FNBP1L: variants seen among roughly 807,000 people sequenced by gnomAD.
FNBP1L encodes formin binding protein 1 like, also known as formin-binding protein 1-like.
Under a neutral mutation model 91.2 loss-of-function variants are expected in FNBP1L, and 36 were observed. The ratio of observed to expected loss-of-function variants is 0.39; its 90% CI spans 0.30 to 0.52. The LOEUF is 0.52. Ranked by LOEUF, FNBP1L falls within the 20% of genes least tolerant of loss-of-function variation. FNBP1L has a pLI of 0.66. For missense variants in FNBP1L, 571 were observed against 732.1 expected (o/e 0.78, Z 2.54); for synonymous variants, 242 against 237.0 (o/e 1.02, Z -0.19).
chr1:93,470,848 G>A (rs969346507), intron 1 of FNBP1L, among the ~76,000 whole-genome samples: 10 of 150,940 alleles, frequency 6.6e-5, no homozygotes, highest in African/African-American at 2.2e-4. Context: ...ACTGCAGCCT[G>A]GGTGACAGAG....
chr1:93,513,423 G>T (rs190351052), intron 2 of FNBP1L, among the ~76,000 whole-genome samples: 236 of 152,066 alleles, frequency 1.6e-3, no homozygotes, highest in African/African-American at 5.5e-3. Flanking sequence ...ATTTTATGAG[G>T]CCAGCATCAT....
At chr1:93,449,521 T>G (rs1466521479) in intron 1 of FNBP1L, among the ~76,000 whole-genome samples, 1 of 152,148 alleles carries the variant, frequency 6.6e-6, no homozygotes, top group Non-Finnish European at 1.5e-5. Flanking sequence ...GCAAAATGTT[T>G]TCTTATTTTT....
rs528720934 is a variant in FNBP1L, at chr1:93,493,034, C to T, written c.25-6434C>T. 4.6e-5 allele frequency among the ~76,000 whole-genome samples: 7 copies of T among 152,206 alleles called. No individual in the cohort carries two copies. The South Asian group carries it at 1.5e-3, about 32-fold the overall frequency. ...GAAATGGCACTTTGGGAGGCCAAGG[C>T]AGGAGGATCGCTTGAACTCAGGGGT... On this transcript the variant is annotated intron_variant, in intron 1 of 16. Coordinates refer to ENST00000271234, the MANE Select transcript of FNBP1L (RefSeq NM_001164473.3).
At chr1:93,462,710 G>A (rs891755830) in intron 1 of FNBP1L, among the ~76,000 whole-genome samples, 4 of 152,076 alleles carry the variant, frequency 2.6e-5, no homozygotes, top group African/African-American at 7.2e-5. Context: ...TATGCCATTT[G>A]CATTACATTA....
chr1:93,522,063 A>G lies in FNBP1L; in HGVS notation c.141-19A>G. On this transcript the variant is annotated intron_variant, in intron 2 of 16. Transcript: ENST00000271234. ...TAGTTGAAATTTTTAATAAACTTTA[A>G]AAAATCTTCTTCCTATAGAAATCTG... The G allele has an allele frequency of 1.4e-6, 2 of 1,465,434 alleles. No individual in the cohort carries two copies. The highest frequency in any genetic ancestry group is 1.8e-6 in the Non-Finnish European group (2 of 1,101,840). The allele number at this position is 1,465,434 out of a possible 1,614,324, so 90.8% of individuals were successfully genotyped here. A position where few individuals can be genotyped will look rare whatever the true frequency, so the allele number is the denominator to read the frequency against.
At chr1:93,532,286 G>A (rs1248412850) in intron 7 of FNBP1L, among the ~76,000 whole-genome samples, 1 of 151,946 alleles carries the variant, frequency 6.6e-6, no homozygotes, top group Admixed American at 6.6e-5. Flanking sequence ...GGCCAACATG[G>A]TGAAACCCCA....
intron 5 of FNBP1L, among the ~76,000 whole-genome samples, chr1:93,528,933 CAT>C (rs1443565602): frequency 1.3e-5 from 2 of 152,008 alleles, no homozygotes; most frequent in Non-Finnish European, 2.9e-5. Flanking sequence ...TGTAATATGA[CAT>C]ATATTTTACA....
At chr1:93,467,582 A>G (rs1205816673) in intron 1 of FNBP1L, among the ~76,000 whole-genome samples, 2 of 152,162 alleles carry the variant, frequency 1.3e-5, no homozygotes, top group Admixed American at 6.6e-5. Context: ...GTACAACAGT[A>G]TGAATGTATC....
intron 1 of FNBP1L, among the ~76,000 whole-genome samples, chr1:93,477,161 G>A (rs1669524843): frequency 6.6e-6 from 1 of 152,200 alleles, no homozygotes; most frequent in African/African-American, 2.4e-5. Flanking sequence ...AGCACACTGA[G>A]AGATCAGTCA....
intron 2 of FNBP1L, among the ~76,000 whole-genome samples, chr1:93,521,212 A>G (rs1029982330): frequency 1.3e-5 from 2 of 152,210 alleles, no homozygotes; most frequent in Non-Finnish European, 2.9e-5. Context: ...AAGAACAGAC[A>G]TGGATGAAGG....
At chr1:93,503,752 A>G (rs554472452) in intron 2 of FNBP1L, among the ~76,000 whole-genome samples, 1 of 152,354 alleles carries the variant, frequency 6.6e-6, no homozygotes, top group Admixed American at 6.5e-5. Context: ...AAGATATGCA[A>G]CTGAAATCAG....
intron 2 of FNBP1L, among the ~76,000 whole-genome samples, chr1:93,510,308 C>T (rs1670784580): frequency 2.0e-5 from 3 of 152,222 alleles, no homozygotes; most frequent in South Asian, 4.2e-4. Context: ...CCCCTGACCC[C>T]CAAGCAGCCT....
intron 1 of FNBP1L, among the ~76,000 whole-genome samples, chr1:93,457,752 A>T (rs1668716303): frequency 6.6e-6 from 1 of 150,518 alleles, no homozygotes; most frequent in Non-Finnish European, 1.5e-5. Flanking sequence ...TTTATTTTTT[A>T]TTTTATTTTA....
Position 93,534,863 on chromosome 1 carries a change from A to T in FNBP1L, c.945A>T (p.Val315=). Residue 315 remains valine, a synonymous_variant, in exon 9 of 17, where the codon GTA becomes GTT. Coordinates refer to ENST00000271234, the MANE Select transcript of FNBP1L (RefSeq NM_001164473.3). ...ESGKMDAKTT[V]GKAKGKLWLF... ...GGAAGATGGATGCCAAAACCACAGT[A>T]GGAAAGGCCAAGGGCAAATTGTGGC... is the stretch of plus-strand genomic sequence containing the variant. The T allele has an allele frequency of 1.3e-6, 2 of 1,579,834 alleles. No homozygotes were observed. The highest frequency in any genetic ancestry group is 1.7e-6 in the Non-Finnish European group (2 of 1,161,672).
intron 12 of FNBP1L, among the ~76,000 whole-genome samples, chr1:93,545,531 G>A (rs980516074): frequency 2.0e-5 from 3 of 152,150 alleles, no homozygotes; most frequent in East Asian, 1.9e-4. Flanking sequence ...GGATGAAGAA[G>A]TATAGGACTT....
intron 1 of FNBP1L, among the ~76,000 whole-genome samples, chr1:93,496,496 G>C (rs899409720): frequency 6.6e-6 from 1 of 152,024 alleles, no homozygotes; most frequent in African/African-American, 2.4e-5. Flanking sequence ...GACCTTCTGG[G>C]CTCAAACAAT....
intron 15 of FNBP1L, 60 bp downstream of exon 15, chr1:93,549,486 CAA>C (rs1318726400): frequency 7.6e-7 from 1 of 1,307,332 alleles, no homozygotes; most frequent in Non-Finnish European, 1.0e-6. Context: ...GTATTTACAT[CAA>C]GTCACTCACT....
chr1:93,536,907 A>C (rs1671869471), intron 10 of FNBP1L, among the ~76,000 whole-genome samples: 1 of 152,078 alleles, frequency 6.6e-6, no homozygotes. Context: ...GCTCAATTTT[A>C]ATTGCCCTGC....
chr1:93,551,146 C>A, intron 16 of FNBP1L, 41 bp downstream of exon 16: 1 of 1,518,904 alleles, frequency 6.6e-7, no homozygotes, highest in Non-Finnish European at 8.9e-7. Flanking sequence ...CACCTTTGTG[C>A]CATGTGTGAC....
Sources: gnomAD v4.1 joint callset for allele counts (sites outside exome capture counted in the v4.1 genomes callset) on GRCh38, gnomAD v4.1.1 for gene constraint, MANE v1.5 for transcripts, NCBI Gene and HGNC (gene_info 2026-07-23, HGNC 2026-07-21) for gene names.